HRH2: variants seen among roughly 807,000 people sequenced by gnomAD.
HRH2 encodes the protein histamine receptor H2.
In HRH2, 4 loss-of-function variants were observed where a neutral mutation model predicts 20.1. The observed-to-expected ratio is 0.20, with a 90% CI of 0.10 to 0.45. The LOEUF (loss-of-function observed/expected upper bound fraction) is 0.45, where lower values mean the gene tolerates loss of function less well. Among genes scored for constraint, HRH2 ranks in the 20% least tolerant of loss-of-function variants. The pLI is 0.99. For synonymous variants in HRH2, 197 were observed against 200.7 expected (o/e 0.98, Z 0.16); for missense variants, 250 against 461.6 (o/e 0.54, Z 4.20).
intron 2 of HRH2, among the ~76,000 whole-genome samples, chr5:175,695,077 A>C (rs1338557332): frequency 6.6e-6 from 1 of 152,146 alleles, no homozygotes; most frequent in African/African-American, 2.4e-5. Flanking sequence ...AGCCAGGGCC[A>C]GGAGCCATGC....
At chr5:175,670,799 G>T (rs565819302) in intron 1 of HRH2, among the ~76,000 whole-genome samples, 3 of 152,238 alleles carry the variant, frequency 2.0e-5, no homozygotes, top group Non-Finnish European at 4.4e-5. Context: ...GCCACATCAG[G>T]ATGATGAAAA....
chr5:175,683,431 C>G lies in HRH2; in HGVS notation c.198C>G (p.Leu66=). The G allele has an allele frequency of 1.9e-6, 3 of 1,614,200 alleles. No individual in the cohort carries two copies. The highest frequency in any genetic ancestry group is 1.1e-5 in the South Asian group (1 of 91,084). The change falls in exon 2 of 3, where the codon CTC becomes CTG. Residue 66 remains leucine (L), a synonymous_variant. Transcript: ENST00000636584. ...FIVSLAITDL[L]LGLLVLPFSA... ...TGTCCTTGGCTATCACTGACCTGCT[C>G]CTCGGCCTCCTGGTGCTGCCCTTCT...
At chr5:175,696,833 AT>A (rs886501008) in intron 2 of HRH2, among the ~76,000 whole-genome samples, 126 of 152,202 alleles carry the variant, frequency 8.3e-4, no homozygotes, top group African/African-American at 3.0e-3. Flanking sequence ...GCACCGCCCC[AT>A]GGGGTTGGGG....
At chr5:175,667,077 A>C (rs1038789722) in intron 1 of HRH2, among the ~76,000 whole-genome samples, 1 of 152,116 alleles carries the variant, frequency 6.6e-6, no homozygotes, top group Non-Finnish European at 1.5e-5. Context: ...TATATTATAC[A>C]TACTATTTTG....
chr5:175,692,697 CA>C (rs1238339380), intron 2 of HRH2, among the ~76,000 whole-genome samples: 3 of 152,174 alleles, frequency 2.0e-5, no homozygotes, highest in African/African-American at 7.2e-5. Flanking sequence ...TGAATTGTTC[CA>C]GGGGGGTCCT....
intron 2 of HRH2, among the ~76,000 whole-genome samples, chr5:175,701,174 T>G (rs763963754): frequency 3.9e-5 from 6 of 152,204 alleles, no homozygotes; most frequent in Non-Finnish European, 5.9e-5. Flanking sequence ...AGAGCGGGGC[T>G]GAGCAAAGCT....
chr5:175,673,071 C>T (rs529091601), intron 1 of HRH2, among the ~76,000 whole-genome samples: 52 of 152,214 alleles, frequency 3.4e-4, no homozygotes, highest in African/African-American at 8.9e-4. Context: ...GTGGTAAGAG[C>T]GTGTAACAGG....
intron 2 of HRH2, among the ~76,000 whole-genome samples, chr5:175,694,769 C>T (rs1165248154): frequency 6.6e-6 from 1 of 152,154 alleles, no homozygotes; most frequent in Admixed American, 6.5e-5. Flanking sequence ...TGCTTTCAGA[C>T]CCCCCAAACT....
chr5:175,691,219 T>G (rs1756367544), intron 2 of HRH2: 1 of 152,318 alleles, frequency 6.6e-6, no homozygotes, highest in East Asian at 1.9e-4. Flanking sequence ...TCTTTGTCTC[T>G]TCAGAGAGTT....
intron 1 of HRH2, among the ~76,000 whole-genome samples, chr5:175,678,018 A>G (rs1755818478): frequency 6.6e-6 from 1 of 152,128 alleles, no homozygotes; most frequent in Non-Finnish European, 1.5e-5. Context: ...CCTTGTTCCC[A>G]TCTGTACCGA....
At position 175,667,017 on chromosome 5, in the gene HRH2, C is replaced by CATATATATAT. The variant is rs143167989; in HGVS notation, c.-526+8867_-526+8876dup. The stretch of plus-strand genomic sequence containing the variant: ...CAGGTTTTCTTTTTGCAAATAAAGG[C>CATATATATAT]ATATATATATATATGTAATGTATAG... On this transcript the variant is annotated intron_variant, in intron 1 of 2. Transcript: ENST00000636584. 1.9e-3 allele frequency among the ~76,000 whole-genome samples: 286 copies of CATATATATAT among 150,386 alleles called. 2 individuals are homozygous for CATATATATAT. Among genetic ancestry groups the CATATATATAT allele is most frequent in the African/African-American group, 6.7e-3 (271 of 40,744 alleles).
intron 1 of HRH2, among the ~76,000 whole-genome samples, chr5:175,661,145 C>T (rs1268492048): frequency 6.6e-6 from 1 of 151,946 alleles, no homozygotes; most frequent in East Asian, 1.9e-4. Flanking sequence ...GCAATGCCCT[C>T]CTTTGCTTAG....
intron 1 of HRH2, among the ~76,000 whole-genome samples, chr5:175,674,578 A>G (rs1314437872): frequency 6.6e-6 from 1 of 152,110 alleles, no homozygotes; most frequent in African/African-American, 2.4e-5. Flanking sequence ...TGTGCCAACA[A>G]CACCAGTTAC....
intron 2 of HRH2, among the ~76,000 whole-genome samples, chr5:175,695,789 G>T (rs548480885): frequency 1.3e-4 from 20 of 152,368 alleles, no homozygotes; most frequent in African/African-American, 3.8e-4. Flanking sequence ...AGCATTTAAG[G>T]ATGGGCCAGG....
intron 1 of HRH2, among the ~76,000 whole-genome samples, chr5:175,665,501 T>C (rs1327215191): frequency 6.6e-6 from 1 of 152,072 alleles, no homozygotes; most frequent in African/African-American, 2.4e-5. Flanking sequence ...AGGAGGGGCA[T>C]CCCTGCTTGG....
chr5:175,692,413 A>G (rs1581450111), intron 2 of HRH2, among the ~76,000 whole-genome samples: 3 of 152,318 alleles, frequency 2.0e-5, no homozygotes, highest in African/African-American at 7.2e-5. Flanking sequence ...GGGGGAAGAA[A>G]TGTGTGCCAT....
At chr5:175,658,910 C>G (rs895695133) in intron 1 of HRH2, among the ~76,000 whole-genome samples, 11 of 152,120 alleles carry the variant, frequency 7.2e-5, no homozygotes, top group African/African-American at 2.7e-4. Flanking sequence ...TCCCCCACCC[C>G]GTCCATGAGG....
In HRH2 at chr5:175,685,729, G is replaced by T. The variant is rs1581440155; in HGVS notation, c.1076+1420G>T. ...GGCTTCCTACTTGCCCTCCAGAGTTGCCTGAAGCTCACATGAGCGAAGGGA... is the reference window on the plus strand; with the variant it reads ...GGCTTCCTACTTGCCCTCCAGAGTTTCCTGAAGCTCACATGAGCGAAGGGA... On this transcript the variant is annotated intron_variant, in intron 2 of 2. Transcript: ENST00000636584. The T allele has an allele frequency of 2.6e-5, 15 of 575,082 alleles. No individual in the cohort carries two copies. In the East Asian group the frequency reaches 4.1e-4, roughly 16 times the overall value. The allele number at this position is 575,082 out of a possible 1,614,324, so 35.6% of individuals were successfully genotyped here.
In HRH2 at chr5:175,681,722, C is replaced by T. The variant is rs548887692; in HGVS notation, c.-525-987C>T. ...AGGAAGGAGAAACCACCCTAATGCC[C>T]GTGAGAGGGTGATGTGGGGATGATA... On this transcript the variant is annotated intron_variant, in intron 1 of 2. Coordinates refer to ENST00000636584, the MANE Select transcript of HRH2 (RefSeq NM_001367711.1). This position sits in a 1 kb window ranked among gnomAD's most constrained non-coding sequence, Gnocchi z 4.3. 3.3e-5 allele frequency among the ~76,000 whole-genome samples: 5 copies of T among 152,250 alleles called. No homozygotes were observed. Among genetic ancestry groups the T allele is most frequent in the South Asian group, 2.1e-4 (1 of 4,828 alleles).
Sources: allele counts gnomAD v4.1 joint callset (sites outside exome capture counted in the v4.1 genomes callset), GRCh38; gene constraint gnomAD v4.1.1; non-coding constraint Gnocchi (gnomAD v3.1); transcripts MANE v1.5; gene names NCBI Gene and HGNC (gene_info 2026-07-23, HGNC 2026-07-21).